Variants in DMD observed in about 807,000 individuals in gnomAD.
DMD encodes mutant dystrophin.
DMD carries 63 observed loss-of-function variants against 330.1 expected under a neutral mutation model. The observed-to-expected ratio is 0.19, with a 90% confidence interval of 0.16 to 0.24. DMD has a LOEUF of 0.24. Ranked by LOEUF, DMD falls within the 10% of genes least tolerant of loss-of-function variation. DMD has a pLI of 1.00. For missense variants in DMD, 3,344 were observed against 2,684.1 expected, an observed-to-expected ratio of 1.25 and a Z score of -5.43; for synonymous variants, 1,223 against 959.8, an observed-to-expected ratio of 1.27 and a Z score of -5.07.
chrX:31,967,516 G>A (rs2095362688), intron 45 of DMD, among the ~76,000 whole-genome samples: 1 of 99,806 alleles, frequency 1.0e-5, no homozygotes, highest in Admixed American at 1.0e-4. Flanking sequence ...ATTCATCAAT[G>A]AGTTGTTCTA....
intron 9 of DMD, among the ~76,000 whole-genome samples, chrX:32,689,184 G>A (rs2063094976): frequency 9.0e-6 from 1 of 110,647 alleles, no homozygotes; most frequent in Non-Finnish European, 1.9e-5. Context: ...ATAACTTTTT[G>A]TTTTTAAGTT....
chrX:33,218,053 A>C (rs368035133), intron 1 of DMD, among the ~76,000 whole-genome samples: 52 of 111,250 alleles, frequency 4.7e-4, no homozygotes, highest in African/African-American at 1.6e-3. Context: ...TTATTATTAC[A>C]ATGTTAGCTA....
chrX:33,267,900 C>T (rs1309321177), intron 1 of DMD, among the ~76,000 whole-genome samples: 1 of 111,511 alleles, frequency 9.0e-6, no homozygotes, highest in Non-Finnish European at 1.9e-5. Context: ...CAAAAATAAA[C>T]TCATGGTGGA....
chrX:33,329,797 G>A (rs748314705), intron 1 of DMD, among the ~76,000 whole-genome samples: 7 of 111,671 alleles, frequency 6.3e-5, no homozygotes, highest in Non-Finnish European at 1.3e-4. Context: ...TTTGGATGCT[G>A]GTAATATTCT....
intron 57 of DMD, among the ~76,000 whole-genome samples, chrX:31,483,623 A>G (rs2068556183): frequency 1.8e-5 from 2 of 112,115 alleles, no homozygotes; most frequent in South Asian, 3.7e-4. Context: ...TGTTATTACA[A>G]AGACATAAGC....
intron 7 of DMD, among the ~76,000 whole-genome samples, chrX:32,734,593 T>G (rs1190142936): frequency 1.9e-5 from 2 of 103,870 alleles, no homozygotes; most frequent in Non-Finnish European, 3.9e-5. Flanking sequence ...ATCCCTGGGA[T>G]GCAAGGCTGG....
At chrX:31,404,102 C>T (rs1378331458) in intron 60 of DMD, among the ~76,000 whole-genome samples, 5 of 110,251 alleles carry the variant, frequency 4.5e-5, no homozygotes, top group African/African-American at 6.6e-5. Context: ...TGTGTACACC[C>T]CCCATCTTCT....
At chrX:32,215,493 A>G (rs964833315) in intron 44 of DMD, among the ~76,000 whole-genome samples, 9 of 111,732 alleles carry the variant, frequency 8.1e-5, no homozygotes, top group African/African-American at 2.9e-4. Flanking sequence ...AGCCTGAAAT[A>G]TGTAGCAAAA....
chrX:32,858,698 GT>G (rs772911461), intron 2 of DMD, among the ~76,000 whole-genome samples: 23 of 106,060 alleles, frequency 2.2e-4, no homozygotes, highest in Middle Eastern at 9.5e-3. Flanking sequence ...GTCTGATGTG[GT>G]TTTTTTTTTA....
At chrX:32,298,717 C>A (rs1028574500) in intron 42 of DMD, among the ~76,000 whole-genome samples, 5 of 110,391 alleles carry the variant, frequency 4.5e-5, no homozygotes, top group Admixed American at 2.9e-4. Flanking sequence ...CAAACTTTGA[C>A]ACAAAGGAAT....
intron 55 of DMD, among the ~76,000 whole-genome samples, chrX:31,590,981 A>T (rs1392071943): frequency 9.0e-6 from 1 of 111,374 alleles, no homozygotes; most frequent in Non-Finnish European, 1.9e-5. Context: ...CTACTTTCTA[A>T]TATGGTAACC....
In DMD at chrX:32,594,441, C is replaced by G. The variant is rs1351082813; in HGVS notation, c.1602+1316G>C. Among the ~76,000 whole-genome samples the G allele has an allele frequency of 2.7e-5, 3 of 111,124 alleles. No homozygotes were observed. In the Admixed American group the frequency reaches 2.9e-4, roughly 11 times the overall value. On this transcript the variant is annotated intron_variant, in intron 13 of 78. Transcript: ENST00000357033. ...TTTTGAGGAATAAGTTAAGGATAGCCAGACTCTGCTCTAATAAAAAGCCTG... is the reference window on the plus strand; with the variant it reads ...TTTTGAGGAATAAGTTAAGGATAGCGAGACTCTGCTCTAATAAAAAGCCTG...
intron 44 of DMD, among the ~76,000 whole-genome samples, chrX:32,035,172 C>G (rs1334361869): frequency 9.0e-6 from 1 of 111,407 alleles, no homozygotes; most frequent in Non-Finnish European, 1.9e-5. Flanking sequence ...ATATCTAAAT[C>G]AAAATTCTGA....
intron 1 of DMD, among the ~76,000 whole-genome samples, chrX:33,114,212 C>A (rs946103950): frequency 1.9e-5 from 2 of 107,188 alleles, no homozygotes; most frequent in Admixed American, 2.0e-4. Context: ...CGGGTTCAAG[C>A]GATTCTCCTG....
chrX:32,086,361 C>A (rs2096438935), intron 44 of DMD, among the ~76,000 whole-genome samples: 1 of 111,741 alleles, frequency 8.9e-6, no homozygotes, highest in Admixed American at 9.5e-5. Flanking sequence ...CCATAGTTTT[C>A]ATCTTTTTGC....
At chrX:32,173,827 T>A (rs980529783) in intron 44 of DMD, among the ~76,000 whole-genome samples, 2 of 112,286 alleles carry the variant, frequency 1.8e-5, no homozygotes, top group Admixed American at 9.5e-5. Context: ...ACCTGATTAC[T>A]GTTCATTCAA....
intron 7 of DMD, among the ~76,000 whole-genome samples, chrX:32,783,197 TAC>T (rs779052325): frequency 1.3e-4 from 12 of 94,860 alleles, no homozygotes; most frequent in Non-Finnish European, 2.4e-4. Flanking sequence ...CATATATGTA[TAC>T]ATATACACAT....
intron 12 of DMD, among the ~76,000 whole-genome samples, chrX:32,613,476 C>A (rs182331608): frequency 9.0e-6 from 1 of 110,548 alleles, no homozygotes; most frequent in East Asian, 2.9e-4. Context: ...GGGAGCATAA[C>A]TGGAAATGTA....
chrX:32,938,859 T>C (rs932567538), intron 2 of DMD, among the ~76,000 whole-genome samples: 3 of 110,844 alleles, frequency 2.7e-5, no homozygotes, highest in African/African-American at 9.8e-5. Flanking sequence ...GGAAAATAAT[T>C]TGTAATAATT....
Sources: allele counts gnomAD v4.1 joint callset (sites outside exome capture counted in the v4.1 genomes callset), GRCh38; gene constraint gnomAD v4.1.1; transcripts MANE v1.5; gene names NCBI Gene and HGNC (gene_info 2026-07-23, HGNC 2026-07-21).